Variants in TJP1 observed in about 807,000 individuals in gnomAD.
TJP1 encodes tight junction protein ZO-1.
Under a neutral mutation model 194.2 loss-of-function variants are expected in TJP1, and 43 were observed. That is an observed-to-expected ratio of 0.22 (90% CI 0.17 to 0.29). TJP1 has a LOEUF of 0.29. TJP1 is among the 10% of genes least tolerant of loss of function. The pLI is 1.00. For synonymous variants in TJP1, 801 were observed against 779.0 expected (o/e 1.03, Z -0.47); for missense variants, 1,971 against 2,185.7 (o/e 0.90, Z 1.96).
At chr15:29,836,056 A>T (rs1278263957) in intron 2 of TJP1, among the ~76,000 whole-genome samples, 1 of 152,138 alleles carries the variant, frequency 6.6e-6, no homozygotes, top group Non-Finnish European at 1.5e-5. Context: ...TCAAGAATAC[A>T]TTTAACTTGT....
chr15:29,891,560 G>A (rs2053309432), intron 2 of TJP1, among the ~76,000 whole-genome samples: 1 of 152,132 alleles, frequency 6.6e-6, no homozygotes, highest in East Asian at 1.9e-4. Context: ...CATGTCTACT[G>A]GCACCATTCT....
At chr15:29,817,740 A>C (rs2050027058) in intron 1 of TJP1, among the ~76,000 whole-genome samples, 1 of 152,156 alleles carries the variant, frequency 6.6e-6, no homozygotes, top group African/African-American at 2.4e-5. Flanking sequence ...CAGAACAGAA[A>C]ACCAAACACC....
Position 29,719,083 on chromosome 15 carries a change from T to A in TJP1, c.3059A>T (p.Lys1020Ile), listed in dbSNP as rs769395897. ...EEMMRQNHVL[K>I]QPAVSHPGHR... ...CCCTGGGTGACTAACGGCTGGCTGT[T>A]TCAAAACATGGTTCTGCCTCATCAT... Residue 1020 changes from lysine (K) to isoleucine (I), a missense_variant, in exon 21 of 28, where the codon AAA becomes ATA. Physicochemically the swap from Lys to Ile is moderately radical, Grantham distance 102 (BLOSUM62 -3). Transcript: ENST00000614355. The A allele has an allele frequency of 6.2e-7, 1 of 1,614,146 alleles. No individual in the cohort carries two copies. The highest frequency in any genetic ancestry group is 1.1e-5 in the South Asian group (1 of 91,070).
chr15:29,822,557 CGGGGCCGCGGCG>C (rs1567105225), upstream of TJP1: 75 of 343,618 alleles, frequency 2.2e-4, no homozygotes, highest in Non-Finnish European at 2.9e-4. Context: ...GGGGAGGGGG[CGGGGCCGCGGCG>C]GGGGAGGGGG....
rs534106669 is a variant in TJP1 at position 29,914,816 on chromosome 15, C to A, written c.306+41416G>T. On this transcript the variant is annotated intron_variant, in intron 2 of 28. Coordinates refer to the TJP1 transcript ENST00000356107. Reference sequence around the variant, plus strand: ...AGCACACCCACTGAGAACTACGGCACGCTTGGGCCATCTGGCCCCTCTCCC... The same window carrying A: ...AGCACACCCACTGAGAACTACGGCAAGCTTGGGCCATCTGGCCCCTCTCCC... Among the ~76,000 whole-genome samples, 8 of 152,170 alleles carry A rather than the reference C, an allele frequency of 5.3e-5. No homozygotes were observed. In the South Asian group the frequency reaches 1.0e-3, roughly 20 times the overall value.
chr15:29,782,613 A>G (rs2047432950), intron 2 of TJP1, among the ~76,000 whole-genome samples: 1 of 152,178 alleles, frequency 6.6e-6, no homozygotes, highest in African/African-American at 2.4e-5. Context: ...CTCAGGCAAT[A>G]CCATTCTGGA....
At chr15:29,967,430 T>C (rs77969182) in intron 1 of TJP1, among the ~76,000 whole-genome samples, 10,670 of 152,164 alleles carry the variant, frequency 0.07, 524 homozygotes, top group Non-Finnish European at 0.1. Context: ...GCACCTATTA[T>C]TAAGCCAAGC....
chr15:29,941,571 C>A (rs898161092), intron 2 of TJP1, among the ~76,000 whole-genome samples: 1 of 152,084 alleles, frequency 6.6e-6, no homozygotes, highest in Non-Finnish European at 1.5e-5. Context: ...ATCTCCGGTC[C>A]CCCCTCTGCC....
intron 2 of TJP1, among the ~76,000 whole-genome samples, chr15:29,836,142 T>G (rs1294615680): frequency 3.9e-5 from 6 of 152,188 alleles, no homozygotes; most frequent in Admixed American, 1.3e-4. Flanking sequence ...AGTAAATGTG[T>G]GAGCAGCTTG....
At chr15:29,962,893 C>A (rs2056207928) in intron 1 of TJP1, among the ~76,000 whole-genome samples, 1 of 152,188 alleles carries the variant, frequency 6.6e-6, no homozygotes, top group Admixed American at 6.5e-5. Flanking sequence ...TATCCCAGCA[C>A]TTTGGGAGGC....
At chr15:29,942,520 A>G (rs2055116371) in intron 2 of TJP1, among the ~76,000 whole-genome samples, 1 of 152,230 alleles carries the variant, frequency 6.6e-6, no homozygotes, top group Non-Finnish European at 1.5e-5. Context: ...TCTCCTACCA[A>G]TTAGTTGTCA....
intron 2 of TJP1, among the ~76,000 whole-genome samples, chr15:29,789,005 GA>G (rs144489360): frequency 6.6e-6 from 1 of 152,246 alleles, no homozygotes; most frequent in African/African-American, 2.4e-5. Context: ...TGCTGACATT[GA>G]AAAGTGAACA....
chr15:29,923,768 C>A (rs2054440652), intron 2 of TJP1, among the ~76,000 whole-genome samples: 1 of 152,076 alleles, frequency 6.6e-6, no homozygotes, highest in Non-Finnish European at 1.5e-5. Flanking sequence ...ATAATACAAG[C>A]CACTGAATTG....
At chr15:29,722,540 C>T (rs931892313) in intron 18 of TJP1, among the ~76,000 whole-genome samples, 1 of 152,164 alleles carries the variant, frequency 6.6e-6, no homozygotes, top group African/African-American at 2.4e-5. Context: ...GATGTCCAGG[C>T]AGAAGTCTGC....
chr15:29,884,323 T>G (rs554042811), intron 2 of TJP1, among the ~76,000 whole-genome samples: 2 of 152,326 alleles, frequency 1.3e-5, no homozygotes, highest in East Asian at 3.9e-4. Flanking sequence ...TGGGGGTATA[T>G]TGAATGTGCA....
chr15:29,785,875 C>T (rs1218144567), intron 2 of TJP1, among the ~76,000 whole-genome samples: 1 of 152,178 alleles, frequency 6.6e-6, no homozygotes, highest in Non-Finnish European at 1.5e-5. Context: ...AGTCAGCAGG[C>T]CTGGGTCCTG....
At chr15:29,706,701 C>T (rs904555748) in intron 25 of TJP1, among the ~76,000 whole-genome samples, 1 of 152,116 alleles carries the variant, frequency 6.6e-6, no homozygotes, top group Non-Finnish European at 1.5e-5. Flanking sequence ...CTTGCTGTCA[C>T]CCAGGCTAGA....
intron 2 of TJP1, among the ~76,000 whole-genome samples, chr15:29,774,861 T>TTTTGCC (rs1305053326): frequency 3.3e-5 from 5 of 152,176 alleles, no homozygotes; most frequent in Admixed American, 1.3e-4. Context: ...TGTTTCTCTA[T>TTTTGCC]ATATTCTCCC....
intron 2 of TJP1, among the ~76,000 whole-genome samples, chr15:29,928,379 G>A (rs1426339709): frequency 6.6e-6 from 1 of 152,130 alleles, no homozygotes; most frequent in African/African-American, 2.4e-5. Context: ...AAGTGACAAC[G>A]ACAAGTGTTG....
Sources: gnomAD v4.1 joint callset for allele counts (sites outside exome capture counted in the v4.1 genomes callset) on GRCh38, gnomAD v4.1.1 for gene constraint, MANE v1.5 for transcripts, NCBI Gene and HGNC (gene_info 2026-07-23, HGNC 2026-07-21) for gene names.